Variants in LRRC7 observed in about 807,000 individuals in gnomAD.
LRRC7 encodes leucine-rich repeat-containing protein 7.
In LRRC7, 23 loss-of-function variants were observed where a neutral mutation model predicts 175.7. The observed-to-expected ratio is 0.13, with a 90% CI of 0.09 to 0.19. The LOEUF is 0.19. LRRC7 is among the 10% of genes least tolerant of loss of function. LRRC7 has a pLI of 1.00. For synonymous variants in LRRC7, 685 were observed against 680.9 expected, an observed-to-expected ratio of 1.01 and a Z score of -0.09; for missense variants, 1,354 against 1,904.7, an observed-to-expected ratio of 0.71 and a Z score of 5.38.
In LRRC7 at chr1:69,998,250, G is replaced by A. The variant is rs138793856; in HGVS notation, c.1004+3617G>A. ...CTATCACCACTGCAATGAAGACAGCGAAAATGTCTGTTACCTCTCCCCCAG... is the reference window on the plus strand; with the variant it reads ...CTATCACCACTGCAATGAAGACAGCAAAAATGTCTGTTACCTCTCCCCCAG... On this transcript the variant is annotated intron_variant, in intron 11 of 26. Transcript: ENST00000651989. 1.8e-3 allele frequency among the ~76,000 whole-genome samples: 274 copies of A among 152,218 alleles called. 1 individual carries two copies. The highest frequency in any genetic ancestry group is 6.6e-3 in the Admixed American group (101 of 15,276).
At chr1:69,778,941 C>T (rs1301042287) in intron 3 of LRRC7, among the ~76,000 whole-genome samples, 2 of 143,194 alleles carry the variant, frequency 1.4e-5, no homozygotes, top group African/African-American at 2.8e-5. Flanking sequence ...TATATATACA[C>T]ATATATACAC....
intron 3 of LRRC7, among the ~76,000 whole-genome samples, chr1:69,766,760 A>G (rs563288821): frequency 4.6e-5 from 7 of 152,204 alleles, no homozygotes; most frequent in South Asian, 2.1e-4. Flanking sequence ...CTCATATATG[A>G]TTTTTATTAT....
At chr1:69,988,659 A>G (rs1486018815) in intron 10 of LRRC7, among the ~76,000 whole-genome samples, 1 of 152,216 alleles carries the variant, frequency 6.6e-6, no homozygotes, top group African/African-American at 2.4e-5. Context: ...TGAAAAATTT[A>G]CAACTAGTAT....
At chr1:69,733,055 C>A (rs1667750509) in intron 2 of LRRC7, among the ~76,000 whole-genome samples, 1 of 151,880 alleles carries the variant, frequency 6.6e-6, no homozygotes, top group Non-Finnish European at 1.5e-5. Flanking sequence ...ATACATAGAA[C>A]ATGTATTTTC....
At chr1:70,042,508 T>A (rs1440014514) in intron 21 of LRRC7, among the ~76,000 whole-genome samples, 1 of 152,248 alleles carries the variant, frequency 6.6e-6, no homozygotes, top group Non-Finnish European at 1.5e-5. Context: ...GTGAAAGATC[T>A]AAGTGTTGAC....
chr1:70,068,313 G>A (rs950236647), intron 23 of LRRC7, among the ~76,000 whole-genome samples: 3 of 152,128 alleles, frequency 2.0e-5, no homozygotes, highest in African/African-American at 7.2e-5. Context: ...CATCATGAAT[G>A]GATGTTGAAT....
At chr1:69,977,081 C>T (rs777085161) in intron 8 of LRRC7, among the ~76,000 whole-genome samples, 1 of 152,164 alleles carries the variant, frequency 6.6e-6, no homozygotes, top group South Asian at 2.1e-4. Flanking sequence ...GTGACATCAC[C>T]ACATGCTGGG....
At chr1:69,655,817 G>T (rs914034868) in intron 1 of LRRC7, among the ~76,000 whole-genome samples, 1 of 152,016 alleles carries the variant, frequency 6.6e-6, no homozygotes, top group Non-Finnish European at 1.5e-5. Context: ...AACATAGTTT[G>T]TACCTAATGT....
At chr1:69,607,496 T>G (rs1288364194) in intron 1 of LRRC7, 1 of 152,102 alleles carries the variant, frequency 6.6e-6, no homozygotes, top group Admixed American at 6.6e-5. Context: ...TTTTGATTGG[T>G]TCCTACTGTC....
chr1:69,749,420 AAAG>A (rs1476385573), intron 2 of LRRC7, among the ~76,000 whole-genome samples: 6 of 152,188 alleles, frequency 3.9e-5, no homozygotes, highest in Non-Finnish European at 1.5e-5. Context: ...AGATTTTTAA[AAAG>A]AAGACAAATT....
intron 8 of LRRC7, among the ~76,000 whole-genome samples, chr1:69,939,082 T>G (rs1424151031): frequency 1.4e-5 from 2 of 143,798 alleles, no homozygotes; most frequent in African/African-American, 5.1e-5. Context: ...TATTAATACA[T>G]CAAAAGAAAC....
intron 2 of LRRC7, among the ~76,000 whole-genome samples, chr1:69,696,503 C>G (rs115717558): frequency 6.6e-6 from 1 of 151,916 alleles, no homozygotes; most frequent in Admixed American, 6.6e-5. Flanking sequence ...CTTTTGAGGA[C>G]GATCAGGAAG....
At chr1:69,899,085 T>A (rs35460120) in intron 7 of LRRC7, among the ~76,000 whole-genome samples, 2,571 of 152,316 alleles carry the variant, frequency 0.017, 36 homozygotes, top group Non-Finnish European at 0.027. Context: ...TATTTTTTTA[T>A]CTGTGAGCAG....
chr1:70,031,777 T>C (rs1056287242), intron 18 of LRRC7, among the ~76,000 whole-genome samples: 1 of 151,476 alleles, frequency 6.6e-6, no homozygotes, highest in Non-Finnish European at 1.5e-5. Context: ...AAACCCAGCT[T>C]CACAAGGATT....
chr1:69,779,460 C>T (rs370019971), intron 3 of LRRC7, among the ~76,000 whole-genome samples: 2 of 152,132 alleles, frequency 1.3e-5, no homozygotes, highest in African/African-American at 4.8e-5. Flanking sequence ...AGTTAAATAA[C>T]ATTTTCATTT....
At chr1:69,815,587 A>T (rs1402466152) in intron 4 of LRRC7, among the ~76,000 whole-genome samples, 1 of 152,218 alleles carries the variant, frequency 6.6e-6, no homozygotes, top group East Asian at 1.9e-4. Context: ...GCTTGACACC[A>T]AAAAGCTCTT....
Position 70,018,756 on chromosome 1 carries a change from C to T in LRRC7, c.1358C>T (p.Pro453Leu), listed in dbSNP as rs756299438. The T allele has an allele frequency of 6.2e-7, 1 of 1,612,780 alleles. No individual in the cohort carries two copies. The highest frequency in any genetic ancestry group is 8.5e-7 in the Non-Finnish European group (1 of 1,179,084). ...ALIPLQTEAH[P>L]ETKQRVLTNY... ...ATCCCTTTACAAACAGAAGCCCATC[C>T]AGAAACAAAGCAAAGAGTATTGACT... The change falls in exon 15 of 27, where the codon CCA (proline) becomes CTA (leucine). Residue 453 changes from proline to leucine, a missense_variant. Around this residue, in one of 4 missense-constraint regions of LRRC7, gnomAD observed 201 missense variants for 481.4 expected, o/e 0.42. Coordinates refer to ENST00000651989, the MANE Select transcript of LRRC7 (RefSeq NM_001370785.2).
rs765026562 is a variant in LRRC7, at chr1:69,798,712, C to CT, written c.421+6553dup. 1.1e-3 allele frequency among the ~76,000 whole-genome samples: 162 copies of CT among 152,202 alleles called. 1 individual carries two copies. The Middle Eastern group carries it at 0.02, about 19-fold the overall frequency. ...ATCTCAATCCCTTCCCACTTCCTCC[C>CT]TCTCAGATTTAATGTCTTTAAAATT... On this transcript the variant is annotated intron_variant, in intron 4 of 26. Transcript: ENST00000651989.
intron 2 of LRRC7, among the ~76,000 whole-genome samples, chr1:69,721,381 A>G (rs888454966): frequency 6.6e-6 from 1 of 151,806 alleles, no homozygotes; most frequent in East Asian, 1.9e-4. Context: ...CATCCTCCCT[A>G]ATCTCTGCCA....
Sources: allele counts gnomAD v4.1 joint callset (sites outside exome capture counted in the v4.1 genomes callset), GRCh38; gene constraint gnomAD v4.1.1; regional missense constraint gnomAD v4.1.1; transcripts MANE v1.5; gene names NCBI Gene and HGNC (gene_info 2026-07-23, HGNC 2026-07-21).